RWDD4: variants seen among roughly 807,000 people sequenced by gnomAD.
RWDD4 encodes the protein RWD domain-containing protein 4.
Under a neutral mutation model 30.0 loss-of-function variants are expected in RWDD4, and 16 were observed. The ratio of observed to expected loss-of-function variants is 0.53; its 90% CI spans 0.36 to 0.81. RWDD4 has a LOEUF of 0.81. Ranked by LOEUF, RWDD4 falls within the 30% of genes least tolerant of loss-of-function variation. The probability of loss-of-function intolerance (pLI) is 0.00; values close to 1 mark genes in which losing one functional copy is unlikely to be tolerated. For synonymous variants in RWDD4, 45 were observed against 72.1 expected (o/e 0.62, Z 1.90); for missense variants, 170 against 223.9 (o/e 0.76, Z 1.54).
At chr4:183,656,024 T>C (rs6838230) in intron 1 of RWDD4, 63 bp from the exon 2 acceptor site, 276,100 of 1,104,230 alleles carry the variant, frequency 0.25, 36,812 homozygotes, top group South Asian at 0.36. Flanking sequence ...TAGAGGGTCT[T>C]TACTTTCTCA....
intron 7 of RWDD4, among the ~76,000 whole-genome samples, chr4:183,644,715 G>A (rs1733932806): frequency 6.6e-6 from 1 of 151,966 alleles, no homozygotes; most frequent in African/African-American, 2.4e-5. Flanking sequence ...GGAGCAGAGG[G>A]TGCAGTGAGC....
In RWDD4 at chr4:183,651,223, G is replaced by T; in HGVS notation, c.210C>A (p.Asn70Lys). ...PILSMNAFFN[N>K]TISSAVKQSI... ...AAAAACAAGACACTACTCACATGGT[G>T]TTGTTAAAAAAAGCGTTCATAGATA... The change falls in exon 3 of 8, where the codon AAC becomes AAA. Residue 70 changes from asparagine to lysine, a missense_variant. Coordinates refer to ENST00000326397, the MANE Select transcript of RWDD4 (RefSeq NM_152682.4). 1 of 1,613,308 alleles carries T rather than the reference G, an allele frequency of 6.2e-7. No homozygotes were observed. The highest frequency in any genetic ancestry group is 8.5e-7 in the Non-Finnish European group (1 of 1,179,450).
chr4:183,650,891 G>C, intron 4 of RWDD4, 93 bp downstream of exon 4: 1 of 1,282,876 alleles, frequency 7.8e-7, no homozygotes, highest in Non-Finnish European at 1.1e-6. Context: ...GTCTTCTTCC[G>C]ATTTTGAATA....
intron 7 of RWDD4, among the ~76,000 whole-genome samples, chr4:183,644,402 T>C (rs1212030045): frequency 6.6e-6 from 1 of 152,236 alleles, no homozygotes; most frequent in African/African-American, 2.4e-5. Context: ...TACTAGTTAC[T>C]AGCAGCACTA....
rs1173571039 is a variant in RWDD4, at chr4:183,655,821, T to C, written c.105+60A>G. 3.1e-6 allele frequency: 3 copies of C among 960,992 alleles called. No individual in the cohort carries two copies. The East Asian group carries it at 7.2e-5, about 23-fold the overall frequency. The allele number at this position is 960,992 out of a possible 1,614,324, so 59.5% of individuals were successfully genotyped here. On this transcript the variant is annotated intron_variant, in intron 2 of 7. Coordinates refer to ENST00000326397, the MANE Select transcript of RWDD4 (RefSeq NM_152682.4). ...GTTTAAAAAACAAAATAAGCATTTTTAGCCACTTTCAGTCTTTTCTAGAAA... is the reference window on the plus strand; with the variant it reads ...GTTTAAAAAACAAAATAAGCATTTTCAGCCACTTTCAGTCTTTTCTAGAAA...
At chr4:183,655,442 C>T (rs186371289) in intron 2 of RWDD4, among the ~76,000 whole-genome samples, 11,769 of 151,456 alleles carry the variant, frequency 0.078, 592 homozygotes, top group East Asian at 0.21. Context: ...CCACCATGCC[C>T]GGCTAATTTT....
chr4:183,646,403 A>G, intron 6 of RWDD4, 50 bp from the exon 7 acceptor site: 1 of 1,561,048 alleles, frequency 6.4e-7, no homozygotes, highest in African/African-American at 1.4e-5. Context: ...AAAGGTTGTG[A>G]AGGGGAAAAC....
intron 1 of RWDD4, among the ~76,000 whole-genome samples, chr4:183,657,874 G>A (rs1734237568): frequency 6.6e-6 from 1 of 152,204 alleles, no homozygotes; most frequent in Admixed American, 6.5e-5. Flanking sequence ...AGATTCCTGG[G>A]CCCACCACAG....
At position 183,658,918 on chromosome 4, in the gene RWDD4, G is replaced by A; in HGVS notation, c.24+11C>T. ...CCGCGCTGGGAGAGGGCCCTGAGCC[G>A]GGGGGCTCACCTCCTGGTCCTCGTT... On this transcript the variant is annotated intron_variant, in intron 1 of 7. Coordinates refer to ENST00000326397, the MANE Select transcript of RWDD4 (RefSeq NM_152682.4). 7.9e-7 allele frequency: 1 copy of A among 1,266,126 alleles called. No individual in the cohort carries two copies. The highest frequency in any genetic ancestry group is 9.9e-7 in the Non-Finnish European group (1 of 1,007,026). 78.4% of individuals were successfully genotyped at this position (1,266,126 alleles called of 1,614,324 possible).
At chr4:183,652,718 G>A (rs866654229) in intron 2 of RWDD4, among the ~76,000 whole-genome samples, 57 of 151,532 alleles carry the variant, frequency 3.8e-4, no homozygotes, top group Middle Eastern at 6.8e-3. Flanking sequence ...GCTGAGGCAG[G>A]AGAATCGCTT....
chr4:183,652,256 C>T (rs771310341), intron 2 of RWDD4, among the ~76,000 whole-genome samples: 1 of 152,156 alleles, frequency 6.6e-6, no homozygotes, highest in Non-Finnish European at 1.5e-5. Flanking sequence ...TAGACATCAC[C>T]TCAACCCACA....
chr4:183,658,977 G>T lies in RWDD4; in HGVS notation c.-25C>A, dbSNP rs1734299447. On this transcript the variant is annotated 5_prime_UTR_variant, in exon 1 of 8. Coordinates refer to ENST00000326397, the MANE Select transcript of RWDD4 (RefSeq NM_152682.4). ...TCGCGCCGGTCGCGGGGCGCCTCCT[G>T]AGCGGACGGCGTTCGCAACAACGAA... The T allele has an allele frequency of 7.9e-7, 1 of 1,271,772 alleles. No homozygotes were observed. 78.8% of individuals were successfully genotyped at this position (1,271,772 alleles called of 1,614,324 possible).
At chr4:183,648,794 CT>C (rs1011609567) in intron 5 of RWDD4, among the ~76,000 whole-genome samples, 1 of 150,452 alleles carries the variant, frequency 6.6e-6, no homozygotes, top group African/African-American at 2.4e-5. Context: ...ACTCGGTTAC[CT>C]TTTTTTTTCA....
rs1215048979 is a variant in RWDD4 at position 183,646,514 on chromosome 4, C to T, written c.505G>A (p.Gly169Ser). 8 of 1,612,122 alleles carry T rather than the reference C, an allele frequency of 5.0e-6. No homozygotes were observed. Among genetic ancestry groups the T allele is most frequent in the Non-Finnish European group, 6.8e-6 (8 of 1,179,604 alleles). Residue 169 changes from glycine to serine, a missense_variant, in exon 6 of 8, where the codon GGC becomes AGC. Gly to Ser is a moderately conservative substitution (Grantham distance 56). Coordinates refer to ENST00000326397, the MANE Select transcript of RWDD4 (RefSeq NM_152682.4). Reference protein sequence around the residue: ...KTDHKGELPRGWNWVDVVKHL... With the variant: ...KTDHKGELPRSWNWVDVVKHL... ...TTCACAACATCAACCCAGTTCCAGC[C>T]TCGAGGAAGTTCTCCTTTGTGATCT...
chr4:183,649,151 C>T (rs1002863968), intron 5 of RWDD4, among the ~76,000 whole-genome samples: 7 of 152,138 alleles, frequency 4.6e-5, no homozygotes, highest in Non-Finnish European at 7.4e-5. Flanking sequence ...TGGTGGCTCA[C>T]GCCTGTAATC....
intron 7 of RWDD4, among the ~76,000 whole-genome samples, chr4:183,645,451 T>C (rs1733948798): frequency 6.6e-6 from 1 of 151,956 alleles, no homozygotes; most frequent in South Asian, 2.1e-4. Flanking sequence ...AACAACCACG[T>C]TTAAGGTCTG....
Position 183,642,937 on chromosome 4 carries a change from T to C in RWDD4, c.535-1469A>G, listed in dbSNP as rs532346683. The stretch of plus-strand genomic sequence containing the variant: ...ACCCGGGCATGGTGGTGGGTGCCTG[T>C]AGTCCCAGCTACTTGGGAGGCTGAG... On this transcript the variant is annotated intron_variant, in intron 7 of 7. Transcript: ENST00000326397. 2.7e-3 allele frequency among the ~76,000 whole-genome samples: 410 copies of C among 151,426 alleles called. 2 individuals carry two copies. The highest frequency in any genetic ancestry group is 9.4e-3 in the African/African-American group (390 of 41,298).
At chr4:183,656,630 T>C (rs1734199346) in intron 1 of RWDD4, among the ~76,000 whole-genome samples, 2 of 152,212 alleles carry the variant, frequency 1.3e-5, no homozygotes, top group Non-Finnish European at 2.9e-5. Context: ...AAAGCAAGAC[T>C]GCACTTGGGT....
Position 183,650,142 on chromosome 4 carries a change from G to A in RWDD4, c.364-574C>T, listed in dbSNP as rs1380677254. 2.0e-5 allele frequency among the ~76,000 whole-genome samples: 3 copies of A among 152,206 alleles called. No individual in the cohort carries two copies. In the East Asian group the frequency reaches 5.8e-4, roughly 29 times the overall value. On this transcript the variant is annotated intron_variant, in intron 4 of 7. Coordinates refer to ENST00000326397, the MANE Select transcript of RWDD4 (RefSeq NM_152682.4). ...TTTGATCCTCAGCACAATCTTAGAA[G>A]GTAGATACTATATAACCCCCATTTG...
Sources: gnomAD v4.1 joint callset for allele counts (sites outside exome capture counted in the v4.1 genomes callset) on GRCh38, gnomAD v4.1.1 for gene constraint, MANE v1.5 for transcripts, NCBI Gene and HGNC (gene_info 2026-07-23, HGNC 2026-07-21) for gene names.